The following OXCT1 variants were observed in gnomAD, a reference collection of about 807,000 sequenced individuals.
OXCT1 encodes the protein 3-oxoacid CoA-transferase 1, also known as succinyl-CoA:3-ketoacid coenzyme A transferase 1, mitochondrial.
In OXCT1, 27 loss-of-function variants were observed where a neutral mutation model predicts 69.6. The observed-to-expected ratio is 0.39, with a 90% CI of 0.29 to 0.54. The LOEUF (loss-of-function observed/expected upper bound fraction) is 0.54, where lower values mean the gene tolerates loss of function less well. Ranked by LOEUF, OXCT1 falls within the 20% of genes least tolerant of loss-of-function variation. OXCT1 has a pLI of 0.72. For synonymous variants in OXCT1, 202 were observed against 217.8 expected, an observed-to-expected ratio of 0.93 and a Z score of 0.64; for missense variants, 437 against 650.2, an observed-to-expected ratio of 0.67 and a Z score of 3.57.
At position 41,846,108 on chromosome 5, in the gene OXCT1, T is replaced by G. The variant is rs142384479; in HGVS notation, c.565-3327A>C. Among the ~76,000 whole-genome samples, 1,336 of 151,924 alleles carry G rather than the reference T, an allele frequency of 8.8e-3. 20 individuals carry two copies. The highest frequency in any genetic ancestry group is 0.03 in the African/African-American group (1,233 of 41,432). Reference sequence around the variant, plus strand: ...ATCCAGAAGTCTTCTCTTTATTTATTTATGTATGTATGTATGTATTTATTT... The same window carrying G: ...ATCCAGAAGTCTTCTCTTTATTTATGTATGTATGTATGTATGTATTTATTT... On this transcript the variant is annotated intron_variant, in intron 5 of 16. Coordinates refer to ENST00000196371, the MANE Select transcript of OXCT1 (RefSeq NM_000436.4).
intron 13 of OXCT1, among the ~76,000 whole-genome samples, chr5:41,767,022 C>T (rs1051278292): frequency 3.9e-5 from 6 of 152,028 alleles, no homozygotes; most frequent in African/African-American, 9.7e-5. Context: ...CTGTCTTCCC[C>T]ATTATTAAAA....
chr5:41,865,175 A>C (rs1460615809), intron 1 of OXCT1, among the ~76,000 whole-genome samples: 1 of 152,186 alleles, frequency 6.6e-6, no homozygotes, highest in African/African-American at 2.4e-5. Flanking sequence ...GTGCTATCAA[A>C]CAGAAGGTCT....
At chr5:41,834,452 G>A (rs1748253497) in intron 7 of OXCT1, among the ~76,000 whole-genome samples, 1 of 109,756 alleles carries the variant, frequency 9.1e-6, no homozygotes, top group Non-Finnish European at 1.9e-5. Context: ...AAAATAAAGG[G>A]ATGGAAAAAT....
chr5:41,746,026 A>C (rs146706939), intron 15 of OXCT1, among the ~76,000 whole-genome samples: 2,532 of 152,202 alleles, frequency 0.017, 33 homozygotes, highest in Non-Finnish European at 0.026. Flanking sequence ...TAGAAAAAGA[A>C]GGAATCCTCC....
At chr5:41,832,663 C>A (rs903511935) in intron 7 of OXCT1, among the ~76,000 whole-genome samples, 1 of 152,018 alleles carries the variant, frequency 6.6e-6, no homozygotes, top group Non-Finnish European at 1.5e-5. Flanking sequence ...CCTCACCAAA[C>A]AAAATAAGGC....
rs1746057544 is a variant in OXCT1 at position 41,794,058 on chromosome 5, A to G, written c.1193T>C (p.Met398Thr). 1 of 1,613,240 alleles carries G rather than the reference A, an allele frequency of 6.2e-7. No homozygotes were observed. Among genetic ancestry groups the G allele is most frequent in the Non-Finnish European group, 8.5e-7 (1 of 1,179,276 alleles). Reference protein sequence around the residue: ...MIRGGHVDLTMLGAMQVSKYG... With the variant: ...MIRGGHVDLTTLGAMQVSKYG... ...TTTGGAAACCTGCATCGCTCCTAGC[A>G]TTGTCAGATCGACGTGTCCACTGAG... The change falls in exon 13 of 17, where the codon ATG becomes ACG. Residue 398 changes from methionine (M) to threonine (T), a missense_variant. This residue lies in a region of OXCT1 where 102 missense variants were observed against 162.1 expected (regional missense o/e 0.63). Transcript: ENST00000196371.
intron 1 of OXCT1, among the ~76,000 whole-genome samples, chr5:41,863,873 A>G (rs1301208469): frequency 6.6e-6 from 1 of 152,238 alleles, no homozygotes; most frequent in Non-Finnish European, 1.5e-5. Context: ...AATATGAACA[A>G]AACACATACC....
At chr5:41,821,489 G>A (rs775899831) in intron 7 of OXCT1, among the ~76,000 whole-genome samples, 1 of 152,180 alleles carries the variant, frequency 6.6e-6, no homozygotes, top group Non-Finnish European at 1.5e-5. Context: ...GTAATTGCTG[G>A]ATTATTTGGT....
chr5:41,856,474 C>T (rs890497910), intron 3 of OXCT1, among the ~76,000 whole-genome samples: 1 of 152,158 alleles, frequency 6.6e-6, no homozygotes, highest in African/African-American at 2.4e-5. Context: ...CTTCATTCCA[C>T]TCTCCACTCT....
chr5:41,835,750 C>A (rs1203342787), intron 7 of OXCT1, among the ~76,000 whole-genome samples: 3 of 152,144 alleles, frequency 2.0e-5, no homozygotes, highest in African/African-American at 7.2e-5. Context: ...ATGGCACAAG[C>A]CTGACAGCAC....
At chr5:41,842,809 G>A in intron 5 of OXCT1, 28 bp from the exon 6 acceptor site, 1 of 1,428,780 alleles carries the variant, frequency 7.0e-7, no homozygotes, top group Admixed American at 1.7e-5. Context: ...GGCATCATCA[G>A]GTATTTGCAT....
At position 41,731,661 on chromosome 5, in the gene OXCT1, A is replaced by G; in HGVS notation, c.*68T>C. The G allele has an allele frequency of 1.9e-6, 3 of 1,552,134 alleles. No individual in the cohort carries two copies. Among genetic ancestry groups the G allele is most frequent in the Non-Finnish European group, 1.7e-6 (2 of 1,144,052 alleles). On this transcript the variant is annotated 3_prime_UTR_variant, in exon 17 of 17. Transcript: ENST00000196371. Reference sequence around the variant, plus strand: ...GTTAAATACACAATTATGATTATTGATGTCCTTTCAATTAAATCTTGTGTG... The same window carrying G: ...GTTAAATACACAATTATGATTATTGGTGTCCTTTCAATTAAATCTTGTGTG...
chr5:41,850,019 G>A lies in OXCT1; in HGVS notation c.564+11C>T, dbSNP rs1749102565. On this transcript the variant is annotated intron_variant, in intron 5 of 16. Coordinates refer to ENST00000196371, the MANE Select transcript of OXCT1 (RefSeq NM_000436.4). ...GGATCCTGGTATAATCTGGTTAAGA[G>A]TGTTTCTTACCTCTCTTGGCTTACT... The A allele has an allele frequency of 1.2e-6, 2 of 1,613,664 alleles. No homozygotes were observed. The highest frequency in any genetic ancestry group is 1.1e-5 in the South Asian group (1 of 91,072).
chr5:41,750,298 A>G (rs1207370578), intron 14 of OXCT1, among the ~76,000 whole-genome samples: 1 of 152,000 alleles, frequency 6.6e-6, no homozygotes, highest in Non-Finnish European at 1.5e-5. Context: ...AGACTTAAGA[A>G]AAACTAAAAG....
intron 13 of OXCT1, among the ~76,000 whole-genome samples, chr5:41,788,018 A>C (rs1745732758): frequency 6.6e-6 from 1 of 152,214 alleles, no homozygotes; most frequent in African/African-American, 2.4e-5. Flanking sequence ...TCATTTTCAA[A>C]GATTACTTAA....
chr5:41,866,983 A>G (rs1168514733), intron 1 of OXCT1, among the ~76,000 whole-genome samples: 1 of 152,226 alleles, frequency 6.6e-6, no homozygotes, highest in African/African-American at 2.4e-5. Context: ...ATCAGGTCTC[A>G]TGGAGAGAGG....
At chr5:41,842,361 T>A (rs1748667270) in intron 6 of OXCT1, among the ~76,000 whole-genome samples, 1 of 152,212 alleles carries the variant, frequency 6.6e-6, no homozygotes. Flanking sequence ...TTGTATGATG[T>A]CACATTTTCT....
chr5:41,738,374 A>G (rs1441921287), intron 16 of OXCT1, among the ~76,000 whole-genome samples: 1 of 152,130 alleles, frequency 6.6e-6, no homozygotes, highest in Non-Finnish European at 1.5e-5. Flanking sequence ...TAACTGAATC[A>G]TGGGGGTGGG....
At chr5:41,743,885 T>G (rs1310976318) in intron 15 of OXCT1, among the ~76,000 whole-genome samples, 1 of 152,206 alleles carries the variant, frequency 6.6e-6, no homozygotes, top group Non-Finnish European at 1.5e-5. Context: ...TACTGTAGCC[T>G]TGTAGTATAG....
Sources: allele counts gnomAD v4.1 joint callset (sites outside exome capture counted in the v4.1 genomes callset), GRCh38; gene constraint gnomAD v4.1.1; regional missense constraint gnomAD v4.1.1; transcripts MANE v1.5; gene names NCBI Gene and HGNC (gene_info 2026-07-23, HGNC 2026-07-21).